Variants in NEK8 observed in about 807,000 individuals in gnomAD.
NEK8 encodes serine/threonine-protein kinase Nek8.
Under a neutral mutation model 77.2 loss-of-function variants are expected in NEK8, and 51 were observed. The ratio of observed to expected loss-of-function variants is 0.66; its 90% CI spans 0.53 to 0.83. NEK8 has a LOEUF of 0.83. NEK8 is among the 40% of genes least tolerant of loss of function. The pLI, the probability that NEK8 is intolerant of heterozygous loss-of-function variation, is 0.00. For missense variants in NEK8, 787 were observed against 909.2 expected (o/e 0.87, Z 1.73); for synonymous variants, 365 against 363.2 (o/e 1.00, Z -0.06).
Position 28,739,093 on chromosome 17 carries a change from G to A in NEK8, c.1309G>A (p.Val437Met). The change falls in exon 10 of 15, where the codon GTG (valine) becomes ATG (methionine). Residue 437 changes from valine to methionine, a missense_variant. This residue lies in a region of NEK8 where 516 missense variants were observed against 544.0 expected (regional missense o/e 0.95). Coordinates refer to ENST00000268766, the MANE Select transcript of NEK8 (RefSeq NM_178170.3). ...TTCCTCTCCTCTCTAGCCCACCATT[G>A]TGGAGGCTTTGCTGGGCTATGAAAT... ...SLTDISQPTI[V>M]EALLGYEMVQ... 1 of 1,613,738 alleles carries A rather than the reference G, an allele frequency of 6.2e-7. No homozygotes were observed. The highest frequency in any genetic ancestry group is 8.5e-7 in the Non-Finnish European group (1 of 1,179,614).
chr17:28,741,988 G>A lies in NEK8; in HGVS notation c.*1G>A. ...CACAGATGAGCCGGTCCCCCCCTGA[G>A]GCACCCGGATTCACCTCTGGACCAC... On this transcript the variant is annotated 3_prime_UTR_variant, in exon 15 of 15. Transcript: ENST00000268766. The surrounding 1 kb of genome is among the most constrained non-coding windows in gnomAD (Gnocchi z 4.5). 6.2e-7 allele frequency: 1 copy of A among 1,614,004 alleles called. No individual in the cohort carries two copies. The highest frequency in any genetic ancestry group is 1.3e-5 in the African/African-American group (1 of 75,008).
At position 28,741,545 on chromosome 17, in the gene NEK8, A is replaced by G. The variant is rs1183445182; in HGVS notation, c.2024A>G (p.His675Arg). The G allele has an allele frequency of 6.2e-6, 10 of 1,614,100 alleles. No homozygotes were observed. The highest frequency in any genetic ancestry group is 8.5e-6 in the Non-Finnish European group (10 of 1,180,006). The change falls in exon 14 of 15, where the codon CAT (histidine) becomes CGT (arginine). Residue 675 changes from histidine (H) to arginine (R), a missense_variant. Coordinates refer to ENST00000268766, the MANE Select transcript of NEK8 (RefSeq NM_178170.3). This position sits in a 1 kb window ranked among gnomAD's most constrained non-coding sequence, Gnocchi z 4.5. ...PYTVTSVSCCHGNTLLAVRSV... is the reference protein window; with the variant it reads ...PYTVTSVSCCRGNTLLAVRSV... ...ACGGTGACTTCCGTGTCCTGTTGCCATGGAAACACCCTCCTGGCTGTTCGA... is the reference window on the plus strand; with the variant it reads ...ACGGTGACTTCCGTGTCCTGTTGCCGTGGAAACACCCTCCTGGCTGTTCGA...
In NEK8 at chr17:28,734,139, G is replaced by C; in HGVS notation, c.204G>C (p.Glu68Asp). 3.7e-6 allele frequency: 6 copies of C among 1,614,224 alleles called. No homozygotes were observed. In the South Asian group the frequency reaches 6.6e-5, roughly 18 times the overall value. ...ACCCCAATGTCATTGAGTACTACGA[G>C]AACTTCCTGGAAGACAAAGCCCTTA... Reference protein sequence around the residue: ...LNHPNVIEYYENFLEDKALMI... With the variant: ...LNHPNVIEYYDNFLEDKALMI... The change falls in exon 2 of 15, where the codon GAG (glutamate) becomes GAC (aspartate). Residue 68 changes from glutamate to aspartate, a missense_variant. Glu to Asp is a conservative substitution (Grantham distance 45). This residue lies in a region of NEK8 where 271 missense variants were observed against 365.1 expected (regional missense o/e 0.74). Coordinates refer to ENST00000268766, the MANE Select transcript of NEK8 (RefSeq NM_178170.3).
rs767422725 is a variant in NEK8, at chr17:28,741,153, C to T, written c.1808C>T (p.Ala603Val). The T allele has an allele frequency of 1.9e-6, 3 of 1,614,104 alleles. No homozygotes were observed. The Admixed American group carries it at 5.0e-5, about 27-fold the overall frequency. ...ACCAATACTCGCCGAGGCAGTCGGG[C>T]ACCCTGTAAGGTCCAAGGCCTTGAG... ...LGTNTRRGSR[A>V]PCKVQGLEGI... is the part of the protein sequence containing the mutation. Residue 603 changes from alanine (A) to valine (V), a missense_variant, in exon 13 of 15, where the codon GCA (alanine) becomes GTA (valine). By Grantham distance (64) the Ala-to-Val change is moderately conservative. Around this residue, in one of 2 missense-constraint regions of NEK8, gnomAD observed 516 missense variants for 544.0 expected, o/e 0.95. Transcript: ENST00000268766. This position sits in a 1 kb window ranked among gnomAD's most constrained non-coding sequence, Gnocchi z 4.5.
At chr17:28,730,994 T>G (rs1025075432) in intron 1 of NEK8, among the ~76,000 whole-genome samples, 1 of 152,074 alleles carries the variant, frequency 6.6e-6, no homozygotes, top group Non-Finnish European at 1.5e-5. Context: ...GGCTCAGGCC[T>G]GTAATTCTAG....
intron 2 of NEK8, 78 bp downstream of exon 2, chr17:28,734,266 C>T (rs944391697): frequency 3.0e-6 from 4 of 1,319,578 alleles, no homozygotes; most frequent in Admixed American, 1.7e-5. Flanking sequence ...CTCCTGGCTT[C>T]CCTCCTTGGA....
Position 28,740,805 on chromosome 17 carries a change from T to A in NEK8, c.1569-17T>A, listed in dbSNP as rs775997690. 9.3e-6 allele frequency: 15 copies of A among 1,613,176 alleles called. No homozygotes were observed. Among genetic ancestry groups the A allele is most frequent in the African/African-American group, 1.3e-5 (1 of 75,026 alleles). ...AACTGTCTGTCAGTTGGATTTGGCT[T>A]CTGGCTCTGCCCTCAGGTTCAACAA... On this transcript the variant is annotated splice_polypyrimidine_tract_variant and intron_variant, in intron 11 of 14. Coordinates refer to ENST00000268766, the MANE Select transcript of NEK8 (RefSeq NM_178170.3). The surrounding 1 kb of genome is among the most constrained non-coding windows in gnomAD (Gnocchi z 4.7).
At chr17:28,735,997 A>G (rs371442560) in intron 4 of NEK8, among the ~76,000 whole-genome samples, 22 of 132,072 alleles carry the variant, frequency 1.7e-4, no homozygotes, top group Middle Eastern at 5.6e-3. Context: ...TCATTGTTCA[A>G]TTCCCACCTA....
chr17:28,735,336 G>C lies in NEK8; in HGVS notation c.583G>C (p.Glu195Gln). 1 of 1,613,974 alleles carries C rather than the reference G, an allele frequency of 6.2e-7. No individual in the cohort carries two copies. The highest frequency in any genetic ancestry group is 8.5e-7 in the Non-Finnish European group (1 of 1,179,946). ...DIWALGCVLY[E>Q]LASLKRAFEA... ...CTGGGCCCTGGGCTGTGTCCTCTAC[G>C]AGCTGGCCAGCCTCAAGAGGGCTTT... The change falls in exon 4 of 15, where the codon GAG (glutamate) becomes CAG (glutamine). Residue 195 changes from glutamate to glutamine, a missense_variant. Around this residue, in one of 2 missense-constraint regions of NEK8, gnomAD observed 271 missense variants for 365.1 expected, o/e 0.74. Transcript: ENST00000268766.
Position 28,737,658 on chromosome 17 carries a change from C to G in NEK8, c.828-17C>G, listed in dbSNP as rs1222923421. 6.2e-7 allele frequency: 1 copy of G among 1,614,138 alleles called. No homozygotes were observed. The highest frequency in any genetic ancestry group is 8.5e-7 in the Non-Finnish European group (1 of 1,180,008). ...GTCAGGAGGGTCTTTGTCCTTAGGC[C>G]CCCATCTGTCCTGCAGGGCAGAGAA... On this transcript the variant is annotated splice_polypyrimidine_tract_variant and intron_variant, in intron 5 of 14. Transcript: ENST00000268766. This position sits in a 1 kb window ranked among gnomAD's most constrained non-coding sequence, Gnocchi z 4.8.
In NEK8 at chr17:28,739,696, C is replaced by G. The variant is rs1478697595; in HGVS notation, c.1417+495C>G. On this transcript the variant is annotated intron_variant, in intron 10 of 14. Transcript: ENST00000268766. ...ACTCCTGACCTCGTGATCCACATGCCTCAGCCTCCCAAAGTGCTGGGATTA... is the reference window on the plus strand; with the variant it reads ...ACTCCTGACCTCGTGATCCACATGCGTCAGCCTCCCAAAGTGCTGGGATTA... Among the ~76,000 whole-genome samples, 5 of 152,256 alleles carry G rather than the reference C, an allele frequency of 3.3e-5. No individual in the cohort carries two copies. In the East Asian group the frequency reaches 7.8e-4, roughly 24 times the overall value.
In NEK8 at chr17:28,740,765, AC is replaced by A. The variant is rs774923860; in HGVS notation, c.1569-55del. 5 of 1,606,772 alleles carry A rather than the reference AC, an allele frequency of 3.1e-6. No individual in the cohort carries two copies. ...CAGGGTGGGATCTGTCTCCTGGTGC[AC>A]CAGCTCCTGCCCAAACTGTCTGTCA... On this transcript the variant is annotated intron_variant, in intron 11 of 14. Transcript: ENST00000268766. This position sits in a 1 kb window ranked among gnomAD's most constrained non-coding sequence, Gnocchi z 4.7.
chr17:28,741,285 G>T lies in NEK8; in HGVS notation c.1891+49G>T, dbSNP rs371395349. ...CAGACAGTGCCATGAGCAGTGGGGG[G>T]TGGGGGTTGCTATTCAGGGCCACTG... On this transcript the variant is annotated intron_variant, in intron 13 of 14. Coordinates refer to ENST00000268766, the MANE Select transcript of NEK8 (RefSeq NM_178170.3). This position sits in a 1 kb window ranked among gnomAD's most constrained non-coding sequence, Gnocchi z 4.5. 1.1e-5 allele frequency: 17 copies of T among 1,593,132 alleles called. No individual in the cohort carries two copies. Among genetic ancestry groups the T allele is most frequent in the Non-Finnish European group, 1.1e-5 (13 of 1,167,854 alleles).
At chr17:28,729,416 C>T (rs1351987740) in intron 1 of NEK8, among the ~76,000 whole-genome samples, 1 of 152,126 alleles carries the variant, frequency 6.6e-6, no homozygotes, top group Non-Finnish European at 1.5e-5. Context: ...AGTTCAGTGG[C>T]ACGATCTTGG....
chr17:28,735,670 C>T (rs530572629), intron 4 of NEK8, among the ~76,000 whole-genome samples: 9 of 152,224 alleles, frequency 5.9e-5, no homozygotes, highest in Admixed American at 5.9e-4. Context: ...TGCAGCTCCC[C>T]TATCAGACTA....
chr17:28,738,287 C>T (rs1479785698), intron 8 of NEK8, 42 bp downstream of exon 8: 3 of 1,610,654 alleles, frequency 1.9e-6, no homozygotes, highest in East Asian at 2.2e-5. Context: ...CTCTGAGGCC[C>T]CACAGAGCAC....
chr17:28,733,855 G>A (rs1384059450), intron 1 of NEK8, 128 bp from the exon 2 acceptor site: 13 of 757,524 alleles, frequency 1.7e-5, no homozygotes, highest in Middle Eastern at 3.5e-4. Context: ...TGTTCTGTGC[G>A]CTTGGTTAGA....
chr17:28,741,522 G>C lies in NEK8; in HGVS notation c.2001G>C (p.Thr667=). ...PVQLDETHPY[T]VTSVSCCHGN... ...AGTTGGATGAGACACACCCTTACAC[G>C]GTGACTTCCGTGTCCTGTTGCCATG... Residue 667 remains threonine (T), a synonymous_variant, in exon 14 of 15, where the codon ACG becomes ACC. Coordinates refer to ENST00000268766, the MANE Select transcript of NEK8 (RefSeq NM_178170.3). The surrounding 1 kb of genome is among the most constrained non-coding windows in gnomAD (Gnocchi z 4.5). 1 of 1,614,124 alleles carries C rather than the reference G, an allele frequency of 6.2e-7. No individual in the cohort carries two copies. Among genetic ancestry groups the C allele is most frequent in the African/African-American group, 1.3e-5 (1 of 75,018 alleles).
In NEK8 at chr17:28,738,280, T is replaced by G. The variant is rs771364513; in HGVS notation, c.1222+35T>G. The G allele has an allele frequency of 3.7e-6, 6 of 1,613,116 alleles. No homozygotes were observed. The South Asian group carries it at 6.6e-5, about 18-fold the overall frequency. On this transcript the variant is annotated intron_variant, in intron 8 of 14. Transcript: ENST00000268766. Reference sequence around the variant, plus strand: ...CGGGCCTACCTTGTGGGACCTGCTCTGAGGCCCCACAGAGCACCTTCTCTC... The same window carrying G: ...CGGGCCTACCTTGTGGGACCTGCTCGGAGGCCCCACAGAGCACCTTCTCTC...
Sources: allele counts gnomAD v4.1 joint callset (sites outside exome capture counted in the v4.1 genomes callset), GRCh38; gene constraint gnomAD v4.1.1; regional missense constraint gnomAD v4.1.1; non-coding constraint Gnocchi (gnomAD v3.1); transcripts MANE v1.5; gene names NCBI Gene and HGNC (gene_info 2026-07-23, HGNC 2026-07-21).